The following SANBR variants were observed in gnomAD, a reference collection of about 807,000 sequenced individuals.
SANBR encodes SANT and BTB domain regulator of class switch recombination.
Under a neutral mutation model 101.8 loss-of-function variants are expected in SANBR, and 77 were observed. The ratio of observed to expected loss-of-function variants is 0.76; its 90% CI spans 0.63 to 0.91. The LOEUF is 0.91. Ranked by LOEUF, SANBR falls within the 40% of genes least tolerant of loss-of-function variation. The pLI is 0.00. For missense variants in SANBR, 875 were observed against 853.0 expected, an observed-to-expected ratio of 1.03 and a Z score of -0.32; for synonymous variants, 279 against 274.7, an observed-to-expected ratio of 1.02 and a Z score of -0.15.
intron 20 of SANBR, among the ~76,000 whole-genome samples, chr2:61,119,058 ACTGT>A (rs1374801670): frequency 6.6e-6 from 1 of 152,208 alleles, no homozygotes; most frequent in East Asian, 1.9e-4. Flanking sequence ...CCAGCAGGCG[ACTGT>A]CTGAAAGTAC....
intron 10 of SANBR, chr2:61,089,644 C>T (rs1053331207): frequency 2.0e-5 from 3 of 152,226 alleles, no homozygotes; most frequent in African/African-American, 7.2e-5. Flanking sequence ...CATTGCACTC[C>T]AGCCTAGACA....
chr2:61,108,244 G>A (rs1055296697), intron 14 of SANBR, 73 bp from the exon 15 acceptor site: 1 of 899,372 alleles, frequency 1.1e-6, no homozygotes, highest in African/African-American at 1.7e-5. Context: ...CTCTTCTACA[G>A]TATCTATATC....
chr2:61,117,063 A>T, intron 17 of SANBR: 2 of 398,586 alleles, frequency 5.0e-6, no homozygotes, highest in South Asian at 2.7e-5. Context: ...TCTTCAAAAA[A>T]AAAAAAAATT....
At chr2:61,120,867 AACAG>A (rs1684302212) in intron 20 of SANBR, among the ~76,000 whole-genome samples, 1 of 152,204 alleles carries the variant, frequency 6.6e-6, no homozygotes, top group Non-Finnish European at 1.5e-5. Context: ...GGGGATAGAA[AACAG>A]ACAAATAGTT....
At chr2:61,078,263 A>C (rs765654990) in intron 6 of SANBR, among the ~76,000 whole-genome samples, 2 of 152,222 alleles carry the variant, frequency 1.3e-5, no homozygotes. Context: ...TCACTGATAC[A>C]GTTCAGATAC....
intron 17 of SANBR, 35 bp downstream of exon 17, chr2:61,116,105 G>A: frequency 2.2e-6 from 3 of 1,386,796 alleles, no homozygotes; most frequent in Non-Finnish European, 3.0e-6. Flanking sequence ...AAGTTCATAT[G>A]GAAAAATAAG....
At chr2:61,120,945 T>C (rs1177293) in intron 20 of SANBR, among the ~76,000 whole-genome samples, 97,686 of 151,926 alleles carry the variant, frequency 0.64, 33,176 homozygotes, top group African/African-American at 0.87. Context: ...TTCTTGGGGG[T>C]GATAGGACTA....
chr2:61,082,528 T>C (rs931224616), intron 7 of SANBR, among the ~76,000 whole-genome samples: 8 of 152,074 alleles, frequency 5.3e-5, no homozygotes, highest in African/African-American at 1.9e-4. Flanking sequence ...AGTTTAATTA[T>C]AAGAAGTTAC....
intron 20 of SANBR, among the ~76,000 whole-genome samples, chr2:61,132,173 G>A (rs1684708678): frequency 2.0e-5 from 3 of 152,028 alleles, no homozygotes; most frequent in African/African-American, 7.2e-5. Flanking sequence ...AAATAAATTG[G>A]ACACCAAAAT....
At chr2:61,134,022 C>A in intron 20 of SANBR, 3 of 1,486,302 alleles carry the variant, frequency 2.0e-6, no homozygotes, top group African/African-American at 1.4e-5. Flanking sequence ...ATATAACCCA[C>A]AATCTCACCA....
downstream of SANBR, among the ~76,000 whole-genome samples, chr2:61,126,292 C>T (rs1684510888): frequency 6.6e-6 from 1 of 152,180 alleles, no homozygotes; most frequent in South Asian, 2.1e-4. Context: ...CCCATACGTA[C>T]TCCACATCCA....
chr2:61,132,259 G>A (rs1684711334), intron 20 of SANBR, among the ~76,000 whole-genome samples: 1 of 152,210 alleles, frequency 6.6e-6, no homozygotes, highest in South Asian at 2.1e-4. Context: ...TGTTTACAAA[G>A]TATGTATCTG....
rs1684417805 is a variant in SANBR, at chr2:61,123,578, A to C, written c.*1416A>C. 1.0e-6 allele frequency: 1 copy of C among 967,800 alleles called. No individual in the cohort carries two copies. 60.0% of individuals were successfully genotyped at this position (967,800 alleles called of 1,614,324 possible). On this transcript the variant is annotated 3_prime_UTR_variant, in exon 22 of 22. Coordinates refer to ENST00000402291, the MANE Select transcript of SANBR (RefSeq NM_001129993.3). ...ATATTATATGTAAGTACTCTGTTAA[A>C]TACCAGAGTTTTTTTTGTAGTTTAC...
At chr2:61,077,330 A>G (rs1458306889) in intron 6 of SANBR, among the ~76,000 whole-genome samples, 172 bp downstream of exon 6, 2 of 152,186 alleles carry the variant, frequency 1.3e-5, no homozygotes, top group African/African-American at 4.8e-5. Context: ...ATTATAGTAA[A>G]TTTATGGCAA....
chr2:61,116,143 A>T, intron 17 of SANBR, 73 bp downstream of exon 17: 1 of 1,063,238 alleles, frequency 9.4e-7, no homozygotes. Flanking sequence ...AAAAAAATAA[A>T]AAGAGTAATG....
At chr2:61,134,688 T>C (rs927866569) in intron 21 of SANBR, among the ~76,000 whole-genome samples, 2 of 151,848 alleles carry the variant, frequency 1.3e-5, no homozygotes, top group African/African-American at 2.4e-5. Flanking sequence ...ACGTCAGGAT[T>C]GAGACCATCC....
At chr2:61,081,606 A>T (rs1044166644) in intron 7 of SANBR, 96 bp downstream of exon 7, 6 of 1,250,672 alleles carry the variant, frequency 4.8e-6, no homozygotes, top group Admixed American at 5.8e-5. Flanking sequence ...TATTAAAATT[A>T]TTGTTAATTG....
At chr2:61,093,990 C>T (rs1682906305) in intron 11 of SANBR, 8 of 509,328 alleles carry the variant, frequency 1.6e-5, no homozygotes, top group Non-Finnish European at 2.0e-5. Flanking sequence ...CTAAAGTTTT[C>T]CTCTCCCCAG....
intron 12 of SANBR, among the ~76,000 whole-genome samples, chr2:61,101,187 G>C (rs748324640): frequency 7.9e-4 from 121 of 152,270 alleles, no homozygotes; most frequent in Non-Finnish European, 1.6e-3. Flanking sequence ...TTGGGCATGA[G>C]ACGTTAAGCA....
Sources: gnomAD v4.1 joint callset for allele counts (sites outside exome capture counted in the v4.1 genomes callset) on GRCh38, gnomAD v4.1.1 for gene constraint, MANE v1.5 for transcripts, NCBI Gene and HGNC (gene_info 2026-07-23, HGNC 2026-07-21) for gene names.